The following FNBP1 variants were observed in gnomAD, a reference collection of about 807,000 sequenced individuals.
The protein encoded by FNBP1 is formin-binding protein 1.
Under a neutral mutation model 90.6 loss-of-function variants are expected in FNBP1, and 26 were observed. The observed-to-expected ratio is 0.29, with a 90% CI of 0.21 to 0.40. The LOEUF (loss-of-function observed/expected upper bound fraction) is 0.40. Among genes scored for constraint, FNBP1 ranks in the 10% least tolerant of loss-of-function variants. The pLI is 1.00. For missense variants in FNBP1, 635 were observed against 768.0 expected (o/e 0.83, Z 2.05); for synonymous variants, 260 against 265.2 (o/e 0.98, Z 0.19).
intron 1 of FNBP1, among the ~76,000 whole-genome samples, chr9:130,014,247 CTTTTTTT>C (rs1175352724): frequency 2.2e-5 from 3 of 138,948 alleles, no homozygotes; most frequent in African/African-American, 2.6e-5. Context: ...TTCTTTCTTT[CTTTTTTT>C]TTTTTTTTTC....
Position 129,888,666 on chromosome 9 carries a change from G to C in FNBP1, c.*1873C>G, listed in dbSNP as rs2034882380. On this transcript the variant is annotated 3_prime_UTR_variant, in exon 17 of 17. Transcript: ENST00000446176. ...CGCTCACCTACTTTAAAAACCCAAAGCCACTTCCTCTTCACCTGCCTGGGC... is the reference window on the plus strand; with the variant it reads ...CGCTCACCTACTTTAAAAACCCAAACCCACTTCCTCTTCACCTGCCTGGGC... 2 of 233,124 alleles carry C rather than the reference G, an allele frequency of 8.6e-6. No homozygotes were observed. Among genetic ancestry groups the C allele is most frequent in the Middle Eastern group, 1.2e-3 (1 of 804 alleles). The allele number at this position is 233,124 out of a possible 1,614,324, so 14.4% of individuals were successfully genotyped here.
At chr9:129,909,502 G>A (rs1173094744) in intron 11 of FNBP1, among the ~76,000 whole-genome samples, 1 of 151,860 alleles carries the variant, frequency 6.6e-6, no homozygotes, top group Non-Finnish European at 1.5e-5. Flanking sequence ...CTCCACCCCT[G>A]TAAAGTGACA....
chr9:130,024,718 G>A (rs1170437394), intron 1 of FNBP1, among the ~76,000 whole-genome samples: 5 of 152,140 alleles, frequency 3.3e-5, no homozygotes, highest in Admixed American at 6.6e-5. Flanking sequence ...AGAAGCCATC[G>A]TATCATCCTG....
At chr9:129,958,931 A>G (rs2047349350) in intron 4 of FNBP1, among the ~76,000 whole-genome samples, 2 of 133,868 alleles carry the variant, frequency 1.5e-5, no homozygotes, top group Non-Finnish European at 3.1e-5. Flanking sequence ...TGCCACATTG[A>G]GCTGTGATTG....
intron 1 of FNBP1, among the ~76,000 whole-genome samples, chr9:130,025,676 C>T (rs1164264264): frequency 6.6e-6 from 1 of 152,240 alleles, no homozygotes; most frequent in Admixed American, 6.5e-5. Flanking sequence ...ATAATCCCAG[C>T]ACTTTGGGAG....
Position 130,042,823 on chromosome 9 carries a change from C to T in FNBP1, c.24+129G>A. Reference sequence around the variant, plus strand: ...GGGCATTGGAACCCCGCCTCCTCCCCAGGCCGCGAGGACCCCGACCAGCGC... The same window carrying T: ...GGGCATTGGAACCCCGCCTCCTCCCTAGGCCGCGAGGACCCCGACCAGCGC... On this transcript the variant is annotated intron_variant, in intron 1 of 16. Coordinates refer to ENST00000446176, the MANE Select transcript of FNBP1 (RefSeq NM_015033.3). This position sits in a 1 kb window ranked among gnomAD's most constrained non-coding sequence, Gnocchi z 5.5. 1 of 544,780 alleles carries T rather than the reference C, an allele frequency of 1.8e-6. No homozygotes were observed. 33.7% of individuals were successfully genotyped at this position (544,780 alleles called of 1,614,324 possible). A position where few individuals can be genotyped will look rare whatever the true frequency, so the allele number is the denominator to read the frequency against.
At chr9:130,019,915 T>C in intron 1 of FNBP1, among the ~76,000 whole-genome samples, 1 of 151,974 alleles carries the variant, frequency 6.6e-6, no homozygotes, top group South Asian at 2.1e-4. Flanking sequence ...CCTCATTAGA[T>C]TAAAAACAAA....
Position 129,889,044 on chromosome 9 carries a change from C to A in FNBP1, c.*1495G>T, listed in dbSNP as rs1236989239. 8.8e-6 allele frequency: 1 copy of A among 113,250 alleles called. No individual in the cohort carries two copies. The highest frequency in any genetic ancestry group is 3.3e-5 in the African/African-American group (1 of 30,424). 7.0% of individuals were successfully genotyped at this position (113,250 alleles called of 1,614,324 possible). On this transcript the variant is annotated 3_prime_UTR_variant, in exon 17 of 17. Coordinates refer to ENST00000446176, the MANE Select transcript of FNBP1 (RefSeq NM_015033.3). Reference sequence around the variant, plus strand: ...TGGTTCCTCTTGACTGTTTCTGCACCAAATGAGAGGAGGGGCTGCTCTGCT... The same window carrying A: ...TGGTTCCTCTTGACTGTTTCTGCACAAAATGAGAGGAGGGGCTGCTCTGCT...
At chr9:130,030,600 A>C (rs748234020) in intron 1 of FNBP1, among the ~76,000 whole-genome samples, 1 of 152,142 alleles carries the variant, frequency 6.6e-6, no homozygotes, top group Non-Finnish European at 1.5e-5. Context: ...TAGGGCTCCC[A>C]TTGTCATCAG....
intron 8 of FNBP1, among the ~76,000 whole-genome samples, chr9:129,926,751 G>GA (rs1157127564): frequency 5.4e-5 from 2 of 36,960 alleles, no homozygotes; most frequent in Non-Finnish European, 1.4e-4. Context: ...GCTGGGCGTG[G>GA]TGCGGGCGCC....
At chr9:129,977,963 G>C (rs2050599433) in intron 4 of FNBP1, among the ~76,000 whole-genome samples, 1 of 151,898 alleles carries the variant, frequency 6.6e-6, no homozygotes, top group African/African-American at 2.4e-5. Context: ...AAGGACCCTT[G>C]ACATTTTACG....
chr9:130,048,691 G>A, the FNBP1 span, among the ~76,000 whole-genome samples: 1 of 150,882 alleles, frequency 6.6e-6, no homozygotes, highest in Non-Finnish European at 1.5e-5. Context: ...TGTTAGCCAG[G>A]ATGGTCTCGA....
At chr9:129,956,871 C>T (rs1236752437) in intron 6 of FNBP1, among the ~76,000 whole-genome samples, 4 of 152,126 alleles carry the variant, frequency 2.6e-5, no homozygotes, top group African/African-American at 7.2e-5. Flanking sequence ...ATTCTAACAC[C>T]GAAGATTCCC....
At chr9:129,921,470 T>G (rs2041093079) in intron 10 of FNBP1, among the ~76,000 whole-genome samples, 2 of 152,086 alleles carry the variant, frequency 1.3e-5, no homozygotes, top group East Asian at 3.9e-4. Flanking sequence ...CTTGGCTCAC[T>G]GCAACCTCCA....
chr9:130,038,474 TG>T (rs1339691141), intron 1 of FNBP1, among the ~76,000 whole-genome samples: 1 of 141,372 alleles, frequency 7.1e-6, no homozygotes, highest in Non-Finnish European at 1.5e-5. Context: ...CTCGGCTCAC[TG>T]CAACCTCCGC....
chr9:130,001,527 A>G (rs2054851085), intron 1 of FNBP1, among the ~76,000 whole-genome samples: 2 of 152,100 alleles, frequency 1.3e-5, no homozygotes, highest in Non-Finnish European at 2.9e-5. Flanking sequence ...AGGTTTCAGG[A>G]AACTCCAGAG....
chr9:129,958,544 C>T lies in FNBP1; in HGVS notation c.355G>A (p.Asp119Asn), dbSNP rs1175557567. Residue 119 changes from aspartate to asparagine, a missense_variant, in exon 5 of 17, where the codon GAT becomes AAT. Transcript: ENST00000446176. Reference sequence around the variant, plus strand: ...ATGTGCTGCTGTGCTTTACGGCCATCGTGAAAGTTCTGCAAAGGGGAAAAC... The same window carrying T: ...ATGTGCTGCTGTGCTTTACGGCCATTGTGAAAGTTCTGCAAAGGGGAAAAC... ...LKQERKSNFH[D>N]GRKAQQHIET... 10 of 1,594,430 alleles carry T rather than the reference C, an allele frequency of 6.3e-6. No individual in the cohort carries two copies. Among genetic ancestry groups the T allele is most frequent in the African/African-American group, 1.3e-5 (1 of 74,762 alleles).
intron 4 of FNBP1, among the ~76,000 whole-genome samples, chr9:129,964,596 TAA>T (rs530737177): frequency 2.1e-4 from 29 of 138,558 alleles, no homozygotes; most frequent in Admixed American, 2.9e-4. Flanking sequence ...TGGCTGAGAT[TAA>T]AAAAAAAAAA....
At chr9:129,920,829 CAT>C (rs1216433196) in intron 10 of FNBP1, among the ~76,000 whole-genome samples, 3 of 152,130 alleles carry the variant, frequency 2.0e-5, no homozygotes, top group East Asian at 1.9e-4. Flanking sequence ...AAATATAACA[CAT>C]GAGTGCTTGG....
Sources: gnomAD v4.1 joint callset for allele counts (sites outside exome capture counted in the v4.1 genomes callset) on GRCh38, gnomAD v4.1.1 for gene constraint, Gnocchi (gnomAD v3.1) non-coding constraint, MANE v1.5 for transcripts, NCBI Gene and HGNC (gene_info 2026-07-23, HGNC 2026-07-21) for gene names.